Variants in EGFL7 observed in about 807,000 individuals in gnomAD.
EGFL7 encodes EGF like domain multiple 7.
Under a neutral mutation model 37.1 loss-of-function variants are expected in EGFL7, and 48 were observed. The ratio of observed to expected loss-of-function variants is 1.29; its 90% confidence interval spans 1.03 to 1.65. The LOEUF is 1.65. Ranked by LOEUF, EGFL7 falls within the 40% of genes most tolerant of loss-of-function variation. The probability of loss-of-function intolerance (pLI) is 0.00; values close to 1 mark genes in which losing one functional copy is unlikely to be tolerated. For missense variants in EGFL7, 384 were observed against 378.9 expected, an observed-to-expected ratio of 1.01 and a Z score of -0.11; for synonymous variants, 180 against 156.8, an observed-to-expected ratio of 1.15 and a Z score of -1.10.
upstream of EGFL7, among the ~76,000 whole-genome samples, chr9:136,662,124 C>T (rs1845185597): frequency 6.6e-6 from 1 of 152,208 alleles, no homozygotes; most frequent in Non-Finnish European, 1.5e-5. Flanking sequence ...GACAGAGCAC[C>T]CCCTGTGATC....
Position 136,670,001 on chromosome 9 carries a change from G to A in EGFL7, c.401G>A (p.Cys134Tyr). Residue 134 changes from cysteine to tyrosine, a missense_variant, in exon 7 of 11, where the codon TGC (cysteine) becomes TAC (tyrosine). By Grantham distance (194) the Cys-to-Tyr change is radical. Transcript: ENST00000308874. ...CCTGCAGGATGGCGGGGTGACACTT[G>A]CCAGTCAGGTGAGGCTGGCTCTACC... is the stretch of plus-strand genomic sequence containing the variant. Reference protein sequence around the residue: ...RCPAGWRGDTCQSDVDECSAR... With the variant: ...RCPAGWRGDTYQSDVDECSAR... The A allele has an allele frequency of 6.3e-7, 1 of 1,597,292 alleles. No homozygotes were observed. The highest frequency in any genetic ancestry group is 8.5e-7 in the Non-Finnish European group (1 of 1,170,422).
At chr9:136,670,602 C>G (rs760958942) in intron 8 of EGFL7, 2 of 774,804 alleles carry the variant, frequency 2.6e-6, no homozygotes, top group African/African-American at 3.4e-5. Context: ...GCCACGCCTC[C>G]GCTGGCGACG....
In EGFL7 at chr9:136,668,671, C is replaced by T; in HGVS notation, c.195C>T (p.Tyr65=). Residue 65 remains tyrosine (Y), a splice_region_variant and synonymous_variant, in exon 5 of 11, where the codon TAC becomes TAT. Transcript: ENST00000308874. ...ACGGGCACCGGGCCTGCAGCACCTA[C>T]CGGTGAGTGCCCCACCACACCGAGC... ...TCDGHRACST[Y]RTIYRTAYRR... is the part of the protein sequence containing the mutation. 1 of 1,600,158 alleles carries T rather than the reference C, an allele frequency of 6.2e-7. No individual in the cohort carries two copies. The highest frequency in any genetic ancestry group is 8.5e-7 in the Non-Finnish European group (1 of 1,178,454).
upstream of EGFL7, among the ~76,000 whole-genome samples, chr9:136,662,172 C>T (rs1845189569): frequency 6.6e-6 from 1 of 152,206 alleles, no homozygotes; most frequent in South Asian, 2.1e-4. Flanking sequence ...CACCCCCGGC[C>T]GCAGCCTGCT....
chr9:136,670,187 C>T lies in EGFL7; in HGVS notation c.428C>T (p.Ala143Val), dbSNP rs751989432. Reference protein sequence around the residue: ...TCQSDVDECSARRGGCPQRCV... With the variant: ...TCQSDVDECSVRRGGCPQRCV... ...CCTGCAGATGTGGATGAATGCAGTG[C>T]TAGGAGGGGCGGCTGTCCCCAGCGC... Residue 143 changes from alanine to valine, a missense_variant, in exon 8 of 11, where the codon GCT becomes GTT. Transcript: ENST00000308874. 6.2e-7 allele frequency: 1 copy of T among 1,612,708 alleles called. No individual in the cohort carries two copies. Among genetic ancestry groups the T allele is most frequent in the East Asian group, 2.2e-5 (1 of 44,888 alleles).
chr9:136,661,171 C>G (rs147588578), upstream of EGFL7, among the ~76,000 whole-genome samples: 359 of 152,284 alleles, frequency 2.4e-3, 1 homozygote, highest in South Asian at 9.5e-3. Flanking sequence ...GCTGTGCTTA[C>G]AGCCAGGGGC....
rs144040817 is a variant in EGFL7 at position 136,670,287 on chromosome 9, T to C, written c.528T>C (p.Cys176=). Residue 176 remains cysteine, a synonymous_variant, in exon 8 of 11, where the codon TGT becomes TGC. Coordinates refer to ENST00000308874, the MANE Select transcript of EGFL7 (RefSeq NM_016215.5). ...GCCTGTCTGCAGACGGTACACTCTG[T>C]GTGCCCAAGGGAGGGCCCCCCAGGG... The part of the protein sequence containing the change: ...GHSLSADGTL[C]VPKGGPPRVA... 328 of 1,607,594 alleles carry C rather than the reference T, an allele frequency of 2.0e-4. No homozygotes were observed. In the African/African-American group the frequency reaches 3.8e-3, roughly 19 times the overall value.
rs572261479 is a variant in EGFL7, at chr9:136,672,595, G to A, written c.*309G>A. 7.6e-6 allele frequency: 4 copies of A among 529,184 alleles called. No homozygotes were observed. Among genetic ancestry groups the A allele is most frequent in the African/African-American group, 3.8e-5 (2 of 52,812 alleles). 32.8% of individuals were successfully genotyped at this position (529,184 alleles called of 1,614,324 possible). ...TCCCTGCTGGAGCCTGGGACCCATG[G>A]CACAGGCCAGGCAGCCCGGAGGCTG... On this transcript the variant is annotated 3_prime_UTR_variant, in exon 11 of 11. Coordinates refer to ENST00000308874, the MANE Select transcript of EGFL7 (RefSeq NM_016215.5).
At position 136,670,214 on chromosome 9, in the gene EGFL7, G is replaced by GCGTCAACACCGC; in HGVS notation, c.458_469dup (p.Val153_Ala156dup). 1 of 1,612,568 alleles carries GCGTCAACACCGC rather than the reference G, an allele frequency of 6.2e-7. No individual in the cohort carries two copies. The highest frequency in any genetic ancestry group is 8.5e-7 in the Non-Finnish European group (1 of 1,179,806). On this transcript the variant is annotated inframe_insertion, in exon 8 of 11. Transcript: ENST00000308874. ...AGGAGGGGCGGCTGTCCCCAGCGCT[G>GCGTCAACACCGC]CGTCAACACCGCCGGCAGTTACTGG...
At chr9:136,662,173 G>A (rs900517583), upstream of EGFL7, among the ~76,000 whole-genome samples, 5 of 152,152 alleles carry the variant, frequency 3.3e-5, no homozygotes, top group South Asian at 2.1e-4. Flanking sequence ...ACCCCCGGCC[G>A]CAGCCTGCTG....
In EGFL7 at chr9:136,672,397, G is replaced by A. The variant is rs1482673182; in HGVS notation, c.*111G>A. ...CCACCTCGGGGTGACTGAGCGGAAG[G>A]CCAGGCAGGGCCTTCCTCCTCTTCC... On this transcript the variant is annotated 3_prime_UTR_variant, in exon 11 of 11. Transcript: ENST00000308874. 1 of 1,324,778 alleles carries A rather than the reference G, an allele frequency of 7.5e-7. No homozygotes were observed. The highest frequency in any genetic ancestry group is 1.1e-6 in the Non-Finnish European group (1 of 929,264). The allele number at this position is 1,324,778 out of a possible 1,614,324, so 82.1% of individuals were successfully genotyped here.
At chr9:136,661,771 C>G (rs1384238223), upstream of EGFL7, among the ~76,000 whole-genome samples, 3 of 152,210 alleles carry the variant, frequency 2.0e-5, no homozygotes, top group Non-Finnish European at 4.4e-5. Context: ...ATTTCCCCAG[C>G]TGCCCCAGCC....
Position 136,669,983 on chromosome 9 carries a change from G to A in EGFL7, c.383G>A (p.Gly128Glu). The A allele has an allele frequency of 6.2e-7, 1 of 1,601,456 alleles. No homozygotes were observed. Among genetic ancestry groups the A allele is most frequent in the Non-Finnish European group, 8.5e-7 (1 of 1,172,958 alleles). Residue 128 changes from glycine (G) to glutamate (E), a missense_variant, in exon 7 of 11, where the codon GGA (glycine) becomes GAA (glutamate). Transcript: ENST00000308874. ...CCTGGCCGCTGCCGCTGCCCTGCAG[G>A]ATGGCGGGGTGACACTTGCCAGTCA... ...VQPGRCRCPAGWRGDTCQSDV... is the reference protein window; with the variant it reads ...VQPGRCRCPAEWRGDTCQSDV...
At position 136,672,647 on chromosome 9, in the gene EGFL7, C is replaced by T; in HGVS notation, c.*361C>T. 2.3e-6 allele frequency: 1 copy of T among 427,142 alleles called. No homozygotes were observed. Among genetic ancestry groups the T allele is most frequent in the South Asian group, 3.7e-5 (1 of 27,354 alleles). 26.5% of individuals were successfully genotyped at this position (427,142 alleles called of 1,614,324 possible). On this transcript the variant is annotated 3_prime_UTR_variant, in exon 11 of 11. Transcript: ENST00000308874. ...GTGGGGCCTCAGTGGGGGCTGCTGC[C>T]TGACCCCCAGCACAATAAAAATGAA...
rs376233497 is a variant in EGFL7 at position 136,670,932 on chromosome 9, G to C, written c.572-18G>C. 9 of 1,552,828 alleles carry C rather than the reference G, an allele frequency of 5.8e-6. No individual in the cohort carries two copies. Among genetic ancestry groups the C allele is most frequent in the Non-Finnish European group, 6.1e-6 (7 of 1,148,744 alleles). Reference sequence around the variant, plus strand: ...GGGAGCCGGCCGGCCGTGACCCAGCGCCTGGCTCTGCCCGCAGGAGTGGAC... The same window carrying C: ...GGGAGCCGGCCGGCCGTGACCCAGCCCCTGGCTCTGCCCGCAGGAGTGGAC... On this transcript the variant is annotated intron_variant, in intron 8 of 10. Transcript: ENST00000308874.
chr9:136,668,493 T>C, intron 4 of EGFL7, 64 bp from the exon 5 acceptor site: 2 of 1,564,848 alleles, frequency 1.3e-6, no homozygotes, highest in South Asian at 1.1e-5. Context: ...CCCGGCCACA[T>C]GTTCCCATCA....
intron 9 of EGFL7, among the ~76,000 whole-genome samples, 170 bp from the exon 10 acceptor site, chr9:136,671,756 C>T (rs980569461): frequency 4.6e-5 from 7 of 152,322 alleles, no homozygotes; most frequent in East Asian, 1.9e-4. Flanking sequence ...GGCACCCACT[C>T]TGCGGCAAGC....
At position 136,668,278 on chromosome 9, in the gene EGFL7, AG is replaced by A. The variant is rs1200731290; in HGVS notation, c.-3del. The A allele has an allele frequency of 6.2e-7, 1 of 1,602,426 alleles. No individual in the cohort carries two copies. The highest frequency in any genetic ancestry group is 1.1e-5 in the South Asian group (1 of 89,236). ...AGAAGGCCACCCCGCCTGGAGGCAC[AG>A]GCCATGAGGGGCTCTCAGGAGGTGC... On this transcript the variant is annotated 5_prime_UTR_variant, in exon 4 of 11. Transcript: ENST00000308874.
chr9:136,668,268 C>G lies in EGFL7; in HGVS notation c.-15C>G. 1.3e-6 allele frequency: 2 copies of G among 1,597,324 alleles called. No individual in the cohort carries two copies. Among genetic ancestry groups the G allele is most frequent in the Non-Finnish European group, 8.5e-7 (1 of 1,172,514 alleles). Reference sequence around the variant, plus strand: ...CACCCAGAGGAGAAGGCCACCCCGCCTGGAGGCACAGGCCATGAGGGGCTC... The same window carrying G: ...CACCCAGAGGAGAAGGCCACCCCGCGTGGAGGCACAGGCCATGAGGGGCTC... On this transcript the variant is annotated 5_prime_UTR_variant, in exon 4 of 11. Transcript: ENST00000308874.
Sources: allele counts gnomAD v4.1 joint callset (sites outside exome capture counted in the v4.1 genomes callset), GRCh38; gene constraint gnomAD v4.1.1; transcripts MANE v1.5; gene names NCBI Gene and HGNC (gene_info 2026-07-23, HGNC 2026-07-21).